Variants in DNAJC1 observed in about 807,000 individuals in gnomAD.
DNAJC1 encodes DnaJ heat shock protein family (Hsp40) member C1, also known as dnaJ homolog subfamily C member 1.
Under a neutral mutation model 76.6 loss-of-function variants are expected in DNAJC1, and 58 were observed. The observed-to-expected ratio is 0.76, with a 90% CI of 0.61 to 0.94. The LOEUF (loss-of-function observed/expected upper bound fraction) is 0.94, where lower values mean the gene tolerates loss of function less well. Among genes scored for constraint, DNAJC1 ranks in the 40% least tolerant of loss-of-function variants. The pLI is 0.00. For synonymous variants in DNAJC1, 258 were observed against 267.9 expected, an observed-to-expected ratio of 0.96 and a Z score of 0.36; for missense variants, 689 against 677.3, an observed-to-expected ratio of 1.02 and a Z score of -0.19.
chr10:21,973,309 T>C (rs1428858149), intron 1 of DNAJC1, among the ~76,000 whole-genome samples: 2 of 152,188 alleles, frequency 1.3e-5, no homozygotes, highest in Non-Finnish European at 2.9e-5. Flanking sequence ...TAAGTTTTAA[T>C]AACCACACTA....
intron 3 of DNAJC1, among the ~76,000 whole-genome samples, chr10:21,925,666 A>G (rs1174872865): frequency 6.6e-6 from 1 of 152,230 alleles, no homozygotes; most frequent in Non-Finnish European, 1.5e-5. Flanking sequence ...ACCTTATGTT[A>G]ATAGAAGCCA....
intron 9 of DNAJC1, among the ~76,000 whole-genome samples, chr10:21,801,996 G>A (rs1416339195): frequency 6.6e-6 from 1 of 152,178 alleles, no homozygotes; most frequent in Non-Finnish European, 1.5e-5. Context: ...GAGGGTGGGA[G>A]GAGGGAGAGG....
At chr10:21,810,324 T>C (rs1332184901) in intron 8 of DNAJC1, among the ~76,000 whole-genome samples, 3 of 152,212 alleles carry the variant, frequency 2.0e-5, no homozygotes, top group East Asian at 1.9e-4. Context: ...AATATACCAA[T>C]TGGCAAACCT....
chr10:21,973,962 C>T (rs1838023317), intron 1 of DNAJC1, among the ~76,000 whole-genome samples: 2 of 151,280 alleles, frequency 1.3e-5, no homozygotes, highest in Non-Finnish European at 2.9e-5. Context: ...ATCGGCCGGA[C>T]CTGGAGGTGC....
intron 1 of DNAJC1, among the ~76,000 whole-genome samples, chr10:21,968,881 T>C (rs1347172685): frequency 6.6e-6 from 1 of 151,792 alleles, no homozygotes; most frequent in Non-Finnish European, 1.5e-5. Context: ...ACAAGGCAGC[T>C]GTCATTCCCT....
At chr10:21,838,614 A>G (rs1376997901) in intron 8 of DNAJC1, among the ~76,000 whole-genome samples, 3 of 152,120 alleles carry the variant, frequency 2.0e-5, no homozygotes, top group African/African-American at 4.8e-5. Context: ...CCCAAGAATG[A>G]TCAATAAATA....
chr10:21,784,002 T>C (rs1437771671), intron 9 of DNAJC1, among the ~76,000 whole-genome samples: 1 of 152,110 alleles, frequency 6.6e-6, no homozygotes, highest in Non-Finnish European at 1.5e-5. Flanking sequence ...GCAAGGACTT[T>C]ATATCTAAAA....
rs74655716 is a variant in DNAJC1 at position 21,757,820 on chromosome 10, A to G, written c.1597-1065T>C. Among the ~76,000 whole-genome samples, 1,294 of 152,320 alleles carry G rather than the reference A, an allele frequency of 8.5e-3. 13 individuals are homozygous for G. The highest frequency in any genetic ancestry group is 0.029 in the African/African-American group (1,199 of 41,572). On this transcript the variant is annotated intron_variant, in intron 11 of 11. Coordinates refer to ENST00000376980, the MANE Select transcript of DNAJC1 (RefSeq NM_022365.4). ...GCTCTCAAGTCAAGGCTTGAGGGGA[A>G]CACCCGCAGGCTGAAGAAGCCCTGC...
chr10:21,762,494 G>A (rs889533541), intron 10 of DNAJC1, among the ~76,000 whole-genome samples: 5 of 152,178 alleles, frequency 3.3e-5, no homozygotes, highest in Admixed American at 1.3e-4. Context: ...CACATGTAGC[G>A]TCCTGCTGGC....
At chr10:21,841,206 G>A (rs1436283027) in intron 8 of DNAJC1, among the ~76,000 whole-genome samples, 1 of 152,196 alleles carries the variant, frequency 6.6e-6, no homozygotes, top group Non-Finnish European at 1.5e-5. Flanking sequence ...GGGACTTCAT[G>A]TCTAAAACAA....
At chr10:21,909,700 A>T (rs979524393) in intron 6 of DNAJC1, among the ~76,000 whole-genome samples, 1 of 152,224 alleles carries the variant, frequency 6.6e-6, no homozygotes, top group Non-Finnish European at 1.5e-5. Context: ...GTGGATGGAA[A>T]TATCATGTGT....
chr10:21,804,081 T>C (rs571491253), intron 9 of DNAJC1: 208 of 457,252 alleles, frequency 4.5e-4, no homozygotes, highest in Non-Finnish European at 1.9e-4. Context: ...ATTAAGTATA[T>C]ACTAGGATCT....
chr10:21,998,120 G>C (rs11596441), intron 1 of DNAJC1, among the ~76,000 whole-genome samples: 2 of 152,148 alleles, frequency 1.3e-5, no homozygotes, highest in Non-Finnish European at 2.9e-5. Flanking sequence ...GCTGGGCGCA[G>C]TGGTTCACGC....
At chr10:21,769,582 T>C (rs1234943340) in intron 9 of DNAJC1, among the ~76,000 whole-genome samples, 2 of 152,264 alleles carry the variant, frequency 1.3e-5, no homozygotes, top group Non-Finnish European at 2.9e-5. Context: ...GTGCTCTTTC[T>C]GCTGTACTAC....
chr10:21,852,352 A>G (rs1171414238), intron 8 of DNAJC1, among the ~76,000 whole-genome samples: 1 of 152,098 alleles, frequency 6.6e-6, no homozygotes. Flanking sequence ...CTCAATGGGT[A>G]CAGTTTCCTT....
intron 8 of DNAJC1, among the ~76,000 whole-genome samples, chr10:21,841,336 T>C (rs554714731): frequency 7.6e-4 from 116 of 152,062 alleles, no homozygotes; most frequent in African/African-American, 2.7e-3. Flanking sequence ...GGGAGAAAAT[T>C]TTTGCAACCT....
At chr10:21,822,048 T>C (rs1384152106) in intron 8 of DNAJC1, among the ~76,000 whole-genome samples, 1 of 152,202 alleles carries the variant, frequency 6.6e-6, no homozygotes, top group Non-Finnish European at 1.5e-5. Context: ...ACCGAAATCA[T>C]ATATGTATAC....
At chr10:21,834,350 A>G (rs1489898250) in intron 8 of DNAJC1, among the ~76,000 whole-genome samples, 1 of 152,250 alleles carries the variant, frequency 6.6e-6, no homozygotes, top group Non-Finnish European at 1.5e-5. Context: ...AGGAGCCAAG[A>G]TGGCCGAATG....
chr10:21,992,320 T>C (rs888050528), intron 1 of DNAJC1, among the ~76,000 whole-genome samples: 1 of 152,004 alleles, frequency 6.6e-6, no homozygotes, highest in Non-Finnish European at 1.5e-5. Flanking sequence ...CAAAAAATAA[T>C]AGTAATTTTT....
Sources: gnomAD v4.1 joint callset for allele counts (sites outside exome capture counted in the v4.1 genomes callset) on GRCh38, gnomAD v4.1.1 for gene constraint, MANE v1.5 for transcripts, NCBI Gene and HGNC (gene_info 2026-07-23, HGNC 2026-07-21) for gene names.